LMOD1: variants seen among roughly 807,000 people sequenced by gnomAD.
LMOD1 encodes the protein leiomodin 1, also known as leiomodin-1.
LMOD1 carries 8 observed loss-of-function variants against 36.5 expected under a neutral mutation model. That is an observed-to-expected ratio of 0.22 (90% CI 0.13 to 0.40). LMOD1 has a LOEUF of 0.40. LMOD1 is among the 10% of genes least tolerant of loss of function. The probability of loss-of-function intolerance (pLI) is 1.00; values close to 1 mark genes in which losing one functional copy is unlikely to be tolerated. For missense variants in LMOD1, 630 were observed against 751.1 expected (o/e 0.84, Z 1.88); for synonymous variants, 284 against 288.7 (o/e 0.98, Z 0.17).
intron 1 of LMOD1, among the ~76,000 whole-genome samples, chr1:201,904,279 C>A (rs1438827224): frequency 6.6e-6 from 1 of 152,140 alleles, no homozygotes; most frequent in South Asian, 2.1e-4. Flanking sequence ...GCCGCAATCT[C>A]GGCTCACTGC....
At position 201,899,562 on chromosome 1, in the gene LMOD1, T is replaced by C; in HGVS notation, c.1451A>G (p.Gln484Arg). Residue 484 changes from glutamine to arginine, a missense_variant, in exon 2 of 3, where the codon CAG (glutamine) becomes CGG (arginine). Gln to Arg is a conservative substitution (Grantham distance 43). Transcript: ENST00000367288. This position sits in a 1 kb window ranked among gnomAD's most constrained non-coding sequence, Gnocchi z 6.3. ...CTTCTCTCCCTTGGCTTCCTGTGCC[T>C]GCCTTTGCTCCTGCAGCCGCTTTTG... ...QRQKRLQEQR[Q>R]AQEAKGEKKD... is the part of the protein sequence containing the mutation. The C allele has an allele frequency of 1.2e-6, 2 of 1,613,640 alleles. No homozygotes were observed. The highest frequency in any genetic ancestry group is 1.7e-6 in the Non-Finnish European group (2 of 1,179,738).
At chr1:201,901,620 ATGTGTG>A (rs1217093444) in intron 1 of LMOD1, among the ~76,000 whole-genome samples, 6 of 47,568 alleles carry the variant, frequency 1.3e-4, no homozygotes, top group Non-Finnish European at 2.0e-4. Context: ...ACACATATAT[ATGTGTG>A]TGTGTATATA....
chr1:201,921,095 T>C (rs2102920119), intron 1 of LMOD1, among the ~76,000 whole-genome samples: 1 of 152,174 alleles, frequency 6.6e-6, no homozygotes, highest in Non-Finnish European at 1.5e-5. Flanking sequence ...GTGATGCTTA[T>C]AACCATGGCG....
chr1:201,905,006 G>C (rs535375379), intron 1 of LMOD1, among the ~76,000 whole-genome samples: 2 of 152,184 alleles, frequency 1.3e-5, no homozygotes, highest in African/African-American at 2.4e-5. Context: ...TGTTTCTGTC[G>C]CTAGACCTTA....
chr1:201,902,482 T>C (rs1382661730), intron 1 of LMOD1, among the ~76,000 whole-genome samples: 1 of 151,896 alleles, frequency 6.6e-6, no homozygotes, highest in Admixed American at 6.6e-5. Context: ...AATCTTGCTC[T>C]GTCACCCAGG....
intron 1 of LMOD1, among the ~76,000 whole-genome samples, chr1:201,901,645 T>TACAC (rs1681323587): frequency 6.5e-5 from 2 of 30,840 alleles, no homozygotes; most frequent in Admixed American, 6.6e-4. Context: ...TATATATATA[T>TACAC]ATACATATAT....
chr1:201,905,240 G>C (rs539950802), intron 1 of LMOD1, among the ~76,000 whole-genome samples: 1 of 152,328 alleles, frequency 6.6e-6, no homozygotes, highest in South Asian at 2.1e-4. Context: ...AGCCGGTACT[G>C]ACCTGTGACA....
chr1:201,936,575 A>G (rs959242513), intron 1 of LMOD1, among the ~76,000 whole-genome samples: 1 of 151,856 alleles, frequency 6.6e-6, no homozygotes, highest in Non-Finnish European at 1.5e-5. Flanking sequence ...TGTGTCTTTG[A>G]TGTTCCCTCT....
intron 1 of LMOD1, among the ~76,000 whole-genome samples, chr1:201,911,341 G>T (rs1454374175): frequency 1.3e-5 from 2 of 152,176 alleles, no homozygotes; most frequent in African/African-American, 4.8e-5. Flanking sequence ...TAGGGAGAAG[G>T]CAGCCTCAAG....
In LMOD1 at chr1:201,899,542, C is replaced by T. The variant is rs1681257293; in HGVS notation, c.1471G>A (p.Glu491Lys). 6.2e-7 allele frequency: 1 copy of T among 1,613,874 alleles called. No individual in the cohort carries two copies. The highest frequency in any genetic ancestry group is 8.5e-7 in the Non-Finnish European group (1 of 1,179,824). ...GGTACCTCCAGCAGATCCTTCTTCT[C>T]TCCCTTGGCTTCCTGTGCCTGCCTT... Reference protein sequence around the residue: ...EQRQAQEAKGEKKDLLEVPKA... With the variant: ...EQRQAQEAKGKKKDLLEVPKA... Residue 491 changes from glutamate to lysine, a missense_variant, in exon 2 of 3, where the codon GAG becomes AAG. This residue lies in a region of LMOD1 where 144 missense variants were observed against 169.8 expected (regional missense o/e 0.85). Coordinates refer to ENST00000367288, the MANE Select transcript of LMOD1 (RefSeq NM_012134.3). This position sits in a 1 kb window ranked among gnomAD's most constrained non-coding sequence, Gnocchi z 6.3.
intron 1 of LMOD1, among the ~76,000 whole-genome samples, chr1:201,936,088 C>G (rs144848333): frequency 0.012 from 1,657 of 142,702 alleles, 39 homozygotes; most frequent in African/African-American, 0.04. Context: ...GCACTCCAGA[C>G]CTTGTCTCAA....
At chr1:201,922,229 G>C (rs1390397) in intron 1 of LMOD1, among the ~76,000 whole-genome samples, 146,643 of 152,216 alleles carry the variant, frequency 0.96, 70,868 homozygotes, top group East Asian at 1. Flanking sequence ...CCCAGCAATT[G>C]CATGCCTCAA....
chr1:201,907,813 C>G (rs1220779914), intron 1 of LMOD1, among the ~76,000 whole-genome samples: 1 of 152,166 alleles, frequency 6.6e-6, no homozygotes, highest in Non-Finnish European at 1.5e-5. Context: ...GCGGGCCTTG[C>G]TCGTTCATCC....
chr1:201,941,986 G>C (rs1438688429), intron 1 of LMOD1, among the ~76,000 whole-genome samples: 1 of 152,230 alleles, frequency 6.6e-6, no homozygotes, highest in Non-Finnish European at 1.5e-5. Context: ...TGAAACCTGA[G>C]ACAAGGACAA....
In LMOD1 at chr1:201,897,921, AT is replaced by A; in HGVS notation, c.*450del. 1 of 163,276 alleles carries A rather than the reference AT, an allele frequency of 6.1e-6. No individual in the cohort carries two copies. The highest frequency in any genetic ancestry group is 2.4e-5 in the African/African-American group (1 of 41,776). The allele number at this position is 163,276 out of a possible 1,614,324, so 10.1% of individuals were successfully genotyped here. On this transcript the variant is annotated 3_prime_UTR_variant, in exon 3 of 3. Coordinates refer to ENST00000367288, the MANE Select transcript of LMOD1 (RefSeq NM_012134.3). ...CCCCATGCCTCTCCATCTTTCTGCC[AT>A]TTTCCCACACAGAGTGCCACTGGCC...
intron 1 of LMOD1, among the ~76,000 whole-genome samples, chr1:201,937,170 AG>A (rs1558243661): frequency 6.6e-6 from 1 of 152,152 alleles, no homozygotes; most frequent in Non-Finnish European, 1.5e-5. Flanking sequence ...AACCTTGGCC[AG>A]GTGTGGTGGC....
chr1:201,930,336 G>A (rs1275406270), intron 1 of LMOD1, among the ~76,000 whole-genome samples: 2 of 152,144 alleles, frequency 1.3e-5, no homozygotes, highest in Non-Finnish European at 2.9e-5. Context: ...TAGTTGATAA[G>A]TGATATGCAT....
chr1:201,915,159 C>G (rs1309950849), intron 1 of LMOD1, among the ~76,000 whole-genome samples: 1 of 152,180 alleles, frequency 6.6e-6, no homozygotes, highest in Non-Finnish European at 1.5e-5. Flanking sequence ...AAACGCTTCC[C>G]CATCGGTTTC....
chr1:201,927,836 A>G (rs760329233), intron 1 of LMOD1, among the ~76,000 whole-genome samples: 35 of 152,266 alleles, frequency 2.3e-4, no homozygotes, highest in Non-Finnish European at 4.4e-4. Flanking sequence ...TTCCCTATGA[A>G]TTCAGAATGG....
Sources: gnomAD v4.1 joint callset for allele counts (sites outside exome capture counted in the v4.1 genomes callset) on GRCh38, gnomAD v4.1.1 for gene constraint, gnomAD v4.1.1 regional missense constraint, Gnocchi (gnomAD v3.1) non-coding constraint, MANE v1.5 for transcripts, NCBI Gene and HGNC (gene_info 2026-07-23, HGNC 2026-07-21) for gene names.